The following SPTBN1 variants were observed in gnomAD, a reference collection of about 807,000 sequenced individuals.
SPTBN1 encodes spectrin beta, non-erythrocytic 1, also known as spectrin beta chain, non-erythrocytic 1.
Under a neutral mutation model 266.4 loss-of-function variants are expected in SPTBN1, and 32 were observed. The observed-to-expected ratio is 0.12, with a 90% CI of 0.09 to 0.16. SPTBN1 has a LOEUF of 0.16. SPTBN1 is among the 10% of genes least tolerant of loss of function. The pLI is 1.00. For missense variants in SPTBN1, 2,296 were observed against 3,067.1 expected (o/e 0.75, Z 5.94); for synonymous variants, 1,336 against 1,162.2 (o/e 1.15, Z -3.04).
At chr2:54,643,413 A>G (rs1397863718) in intron 19 of SPTBN1, among the ~76,000 whole-genome samples, 1 of 152,198 alleles carries the variant, frequency 6.6e-6, no homozygotes, top group Non-Finnish European at 1.5e-5. Flanking sequence ...TTGCTGATGG[A>G]CTGTGAGCTC....
chr2:54,583,137 C>T (rs995983736), intron 2 of SPTBN1, among the ~76,000 whole-genome samples: 5 of 151,940 alleles, frequency 3.3e-5, no homozygotes, highest in African/African-American at 7.3e-5. Context: ...TTATTCCTGC[C>T]GCTGCTTGGT....
chr2:54,647,302 C>T, intron 24 of SPTBN1, 41 bp downstream of exon 24: 5 of 1,606,880 alleles, frequency 3.1e-6, no homozygotes, highest in East Asian at 2.2e-5. Context: ...GCTCTCGATT[C>T]CTCTCAGTTA....
At position 54,630,177 on chromosome 2, in the gene SPTBN1, A is replaced by G. The variant is rs1572712199; in HGVS notation, c.2807+148A>G. The G allele has an allele frequency of 1.7e-5, 18 of 1,090,488 alleles. No individual in the cohort carries two copies. The East Asian group carries it at 4.7e-4, about 28-fold the overall frequency. The allele number at this position is 1,090,488 out of a possible 1,614,324, so 67.6% of individuals were successfully genotyped here. On this transcript the variant is annotated intron_variant, in intron 15 of 35. Transcript: ENST00000356805. ...TCATGGCATTGGCACCTGCCTTTTG[A>G]CATGTCCTTGTTTTGTAAGAAGTGT...
intron 1 of SPTBN1, among the ~76,000 whole-genome samples, chr2:54,490,657 A>T (rs1442375020): frequency 6.6e-6 from 1 of 152,180 alleles, no homozygotes; most frequent in African/African-American, 2.4e-5. Flanking sequence ...CCTTAGTAGC[A>T]AAGATGGGCT....
chr2:54,621,807 C>A (rs1022716017), intron 8 of SPTBN1, among the ~76,000 whole-genome samples: 6 of 152,208 alleles, frequency 3.9e-5, no homozygotes, highest in African/African-American at 1.2e-4. Flanking sequence ...ATGGGTGTGA[C>A]ATCCTACTTA....
rs1279265790 is a variant in SPTBN1 at position 54,613,206 on chromosome 2, A to G, written c.474+872A>G. On this transcript the variant is annotated intron_variant, in intron 4 of 35. Coordinates refer to ENST00000356805, the MANE Select transcript of SPTBN1 (RefSeq NM_003128.3). Reference sequence around the variant, plus strand: ...GGAAAGGCAGGAACAACTTTGTACCATAGTGTCAGGTTTCTCTGCGAACAA... The same window carrying G: ...GGAAAGGCAGGAACAACTTTGTACCGTAGTGTCAGGTTTCTCTGCGAACAA... 2.6e-5 allele frequency among the ~76,000 whole-genome samples: 4 copies of G among 152,210 alleles called. No individual in the cohort carries two copies. The East Asian group carries it at 7.7e-4, about 29-fold the overall frequency.
At position 54,649,838 on chromosome 2, in the gene SPTBN1, A is replaced by G. The variant is rs763356193; in HGVS notation, c.5426A>G (p.Lys1809Arg). ...CTTGCCGCTTCCTATGAACTGCACA[A>G]GTTTTACCACGATGCCAAGGAGATC... ...QILAASYELH[K>R]FYHDAKEIFG... The change falls in exon 26 of 36, where the codon AAG becomes AGG. Residue 1809 changes from lysine (K) to arginine (R), a missense_variant. Transcript: ENST00000356805. This position sits in a 1 kb window ranked among gnomAD's most constrained non-coding sequence, Gnocchi z 6.7. 2.5e-6 allele frequency: 4 copies of G among 1,614,224 alleles called. No homozygotes were observed. The highest frequency in any genetic ancestry group is 2.2e-5 in the East Asian group (1 of 44,886).
rs1671860526 is a variant in SPTBN1 at position 54,540,327 on chromosome 2, A to G, written c.148+13761A>G. Reference sequence around the variant, plus strand: ...AGATTTTCATTCTGGCAGTGTCTGTATGATGTTAACATGCTGCAATGTTAA... The same window carrying G: ...AGATTTTCATTCTGGCAGTGTCTGTGTGATGTTAACATGCTGCAATGTTAA... On this transcript the variant is annotated intron_variant, in intron 2 of 35. Transcript: ENST00000356805. This position sits in a 1 kb window ranked among gnomAD's most constrained non-coding sequence, Gnocchi z 5.6. 6.6e-6 allele frequency among the ~76,000 whole-genome samples: 1 copy of G among 152,186 alleles called. No individual in the cohort carries two copies. Among genetic ancestry groups the G allele is most frequent in the Non-Finnish European group, 1.5e-5 (1 of 68,022 alleles).
intron 2 of SPTBN1, chr2:54,526,925 T>C: frequency 5.9e-6 from 1 of 169,934 alleles, no homozygotes; most frequent in Middle Eastern, 2.7e-3. Context: ...ACTTAGTGCC[T>C]GTGATACATT....
chr2:54,584,648 C>T (rs771697788), intron 2 of SPTBN1, among the ~76,000 whole-genome samples: 3 of 152,192 alleles, frequency 2.0e-5, no homozygotes, highest in Non-Finnish European at 4.4e-5. Flanking sequence ...AAGTTTCCAG[C>T]CCTTCCCACC....
At chr2:54,496,218 G>A (rs966387588) in intron 1 of SPTBN1, among the ~76,000 whole-genome samples, 23 of 152,110 alleles carry the variant, frequency 1.5e-4, no homozygotes, top group African/African-American at 4.8e-4. Flanking sequence ...AGGGTGGATT[G>A]CCTAAGCTCA....
intron 1 of SPTBN1, among the ~76,000 whole-genome samples, chr2:54,501,815 A>C (rs1669285643): frequency 6.6e-6 from 1 of 152,178 alleles, no homozygotes; most frequent in East Asian, 1.9e-4. Flanking sequence ...GGACAGTGCA[A>C]AGGTGGGGGA....
At chr2:54,482,077 C>A (rs1162896245) in intron 1 of SPTBN1, among the ~76,000 whole-genome samples, 1 of 152,050 alleles carries the variant, frequency 6.6e-6, no homozygotes, top group Admixed American at 6.6e-5. Context: ...GATATTTGGC[C>A]TCATTATTTA....
intron 2 of SPTBN1, among the ~76,000 whole-genome samples, chr2:54,566,458 A>C (rs1283620834): frequency 6.6e-6 from 1 of 152,036 alleles, no homozygotes; most frequent in South Asian, 2.1e-4. Context: ...AAAGTCCTGG[A>C]ATTATAAGCG....
chr2:54,527,589 A>ACC (rs1314985463), intron 2 of SPTBN1: 2 of 152,188 alleles, frequency 1.3e-5, no homozygotes, highest in Non-Finnish European at 2.9e-5. Context: ...CTGGACTTAA[A>ACC]TGGTGTGACC....
chr2:54,662,707 T>C (rs1024449224), intron 32 of SPTBN1: 1 of 152,224 alleles, frequency 6.6e-6, no homozygotes, highest in African/African-American at 2.4e-5. Flanking sequence ...ATTTGTCACC[T>C]TTAAAGTCCA....
chr2:54,532,918 G>C (rs1372681548), intron 2 of SPTBN1, among the ~76,000 whole-genome samples: 1 of 151,960 alleles, frequency 6.6e-6, no homozygotes, highest in Non-Finnish European at 1.5e-5. Context: ...ACTATTTCTC[G>C]GATAGAAGAT....
intron 1 of SPTBN1, among the ~76,000 whole-genome samples, chr2:54,473,520 A>T (rs1249482732): frequency 4.0e-5 from 6 of 151,192 alleles, no homozygotes; most frequent in Admixed American, 6.6e-5. Context: ...TTTTAAGCAC[A>T]CACGCACACA....
At chr2:54,629,838 C>T (rs1558446456) in intron 14 of SPTBN1, 35 bp downstream of exon 14, 10 of 1,612,412 alleles carry the variant, frequency 6.2e-6, no homozygotes, top group Non-Finnish European at 8.5e-6. Flanking sequence ...TGGCCTGTTC[C>T]TTGTGACCAC....
Sources: allele counts gnomAD v4.1 joint callset (sites outside exome capture counted in the v4.1 genomes callset), GRCh38; gene constraint gnomAD v4.1.1; non-coding constraint Gnocchi (gnomAD v3.1); transcripts MANE v1.5; gene names NCBI Gene and HGNC (gene_info 2026-07-23, HGNC 2026-07-21).